Variants in FRS2 observed in about 807,000 individuals in gnomAD.
The protein encoded by FRS2 is FGFR signalling adaptor.
Under a neutral mutation model 43.9 loss-of-function variants are expected in FRS2, and 8 were observed. The observed-to-expected ratio is 0.18, with a 90% CI of 0.11 to 0.33. The LOEUF (loss-of-function observed/expected upper bound fraction) is 0.33, where lower values mean the gene tolerates loss of function less well. Ranked by LOEUF, FRS2 falls within the 10% of genes least tolerant of loss-of-function variation. The pLI, the probability that FRS2 is intolerant of heterozygous loss-of-function variation, is 1.00. For missense variants in FRS2, 534 were observed against 627.6 expected (o/e 0.85, Z 1.59); for synonymous variants, 219 against 220.3 (o/e 0.99, Z 0.05).
chr12:69,568,584 T>G (rs1487029235), intron 4 of FRS2, among the ~76,000 whole-genome samples: 1 of 151,998 alleles, frequency 6.6e-6, no homozygotes, highest in East Asian at 1.9e-4. Context: ...TGTCTCTCTC[T>G]CTCTGTCCCT....
intron 1 of FRS2, among the ~76,000 whole-genome samples, chr12:69,475,619 A>G (rs1458261917): frequency 2.6e-5 from 4 of 152,298 alleles, no homozygotes; most frequent in Non-Finnish European, 5.9e-5. Flanking sequence ...CTGACTCTAG[A>G]ATTAGATAGA....
At chr12:69,524,420 CCTGGTGTGTGTCT>C (rs1278275040) in intron 1 of FRS2, among the ~76,000 whole-genome samples, 3 of 151,958 alleles carry the variant, frequency 2.0e-5, no homozygotes, top group Non-Finnish European at 4.4e-5. Context: ...GCACAGGCAG[CCTGGTGTGTGTCT>C]GTGGGGCAGC....
At chr12:69,533,899 G>T (rs1877039488) in intron 3 of FRS2, among the ~76,000 whole-genome samples, 1 of 152,176 alleles carries the variant, frequency 6.6e-6, no homozygotes, top group Non-Finnish European at 1.5e-5. Flanking sequence ...TAGAGGCAGA[G>T]ATTTAGATTG....
chr12:69,477,965 T>C (rs1380486832), intron 1 of FRS2, among the ~76,000 whole-genome samples: 2 of 151,462 alleles, frequency 1.3e-5, no homozygotes, highest in Non-Finnish European at 2.9e-5. Context: ...ATGGTCTCAA[T>C]CTCCTGACCT....
At chr12:69,502,865 C>G (rs1244995824) in intron 1 of FRS2, among the ~76,000 whole-genome samples, 1 of 152,174 alleles carries the variant, frequency 6.6e-6, no homozygotes, top group African/African-American at 2.4e-5. Flanking sequence ...TCTACCTACT[C>G]TAGCAGCAGC....
chr12:69,562,532 A>G (rs1879957410), intron 4 of FRS2, among the ~76,000 whole-genome samples: 1 of 152,088 alleles, frequency 6.6e-6, no homozygotes. Flanking sequence ...CTGATTGCTG[A>G]CACCACCCCC....
intron 1 of FRS2, among the ~76,000 whole-genome samples, chr12:69,487,747 A>G (rs550661777): frequency 1.3e-5 from 2 of 152,348 alleles, no homozygotes; most frequent in East Asian, 3.9e-4. Context: ...AGTAAACTGA[A>G]AACCTTCTGG....
intron 1 of FRS2, among the ~76,000 whole-genome samples, chr12:69,522,552 G>A (rs973725013): frequency 1.3e-5 from 2 of 151,956 alleles, no homozygotes; most frequent in Middle Eastern, 3.2e-3. Flanking sequence ...CAACTCCTGG[G>A]TGTATTGATC....
intron 1 of FRS2, among the ~76,000 whole-genome samples, chr12:69,486,965 G>A (rs1336037590): frequency 1.3e-5 from 2 of 152,238 alleles, no homozygotes; most frequent in Non-Finnish European, 2.9e-5. Context: ...ACATAAAAGT[G>A]CAAGGTGAAG....
At chr12:69,536,343 C>G (rs1374156780) in intron 3 of FRS2, among the ~76,000 whole-genome samples, 1 of 151,438 alleles carries the variant, frequency 6.6e-6, no homozygotes, top group Non-Finnish European at 1.5e-5. Context: ...AGGCCAGTCT[C>G]GAATTCCTGA....
chr12:69,533,001 A>G (rs1176145552), intron 3 of FRS2, among the ~76,000 whole-genome samples: 1 of 152,256 alleles, frequency 6.6e-6, no homozygotes, highest in East Asian at 1.9e-4. Flanking sequence ...CACTGCATAA[A>G]TAGAATAGAT....
chr12:69,558,068 A>G (rs1879580287), intron 3 of FRS2, among the ~76,000 whole-genome samples: 1 of 152,198 alleles, frequency 6.6e-6, no homozygotes. Flanking sequence ...AAAAAACAAA[A>G]TACATGATTA....
chr12:69,534,106 A>T (rs1297751794), intron 3 of FRS2, among the ~76,000 whole-genome samples: 2 of 152,208 alleles, frequency 1.3e-5, no homozygotes, highest in Non-Finnish European at 2.9e-5. Context: ...GAAGTTTAGC[A>T]GTCTTTTTGT....
chr12:69,489,926 A>G (rs1373597757), intron 1 of FRS2, among the ~76,000 whole-genome samples: 1 of 151,526 alleles, frequency 6.6e-6, no homozygotes, highest in Non-Finnish European at 1.5e-5. Flanking sequence ...GCTGAGGTAT[A>G]TTGTAGACCT....
chr12:69,483,308 C>T (rs1871507497), intron 1 of FRS2, among the ~76,000 whole-genome samples: 1 of 152,106 alleles, frequency 6.6e-6, no homozygotes, highest in Non-Finnish European at 1.5e-5. Context: ...CAGAATTGTT[C>T]CATCACCATG....
At chr12:69,497,491 T>A (rs1873015823) in intron 1 of FRS2, among the ~76,000 whole-genome samples, 1 of 152,184 alleles carries the variant, frequency 6.6e-6, no homozygotes, top group South Asian at 2.1e-4. Flanking sequence ...CTTCAACCTC[T>A]TTTATAAGGG....
intron 1 of FRS2, among the ~76,000 whole-genome samples, chr12:69,472,831 A>C (rs1006452201): frequency 6.6e-6 from 1 of 152,048 alleles, no homozygotes; most frequent in Non-Finnish European, 1.5e-5. Context: ...CATACTAACA[A>C]TTTTTTTTGT....
Position 69,574,781 on chromosome 12 carries a change from G to GACTCCAAAAACGCCTACA in FRS2, c.1359_1376dup (p.Lys454_Pro459dup). The stretch of plus-strand genomic sequence containing the variant: ...GTGGCAGTGACTCTGACAACCCTCA[G>GACTCCAAAAACGCCTACA]ACTCCAAAAACGCCTACAACTCCCC... On this transcript the variant is annotated inframe_insertion, in exon 9 of 9. Coordinates refer to ENST00000549921, the MANE Select transcript of FRS2 (RefSeq NM_001278356.2). The GACTCCAAAAACGCCTACA allele has an allele frequency of 6.2e-7, 1 of 1,614,128 alleles. No homozygotes were observed. The highest frequency in any genetic ancestry group is 1.1e-5 in the South Asian group (1 of 91,088).
chr12:69,503,435 T>C (rs1873640490), intron 1 of FRS2, among the ~76,000 whole-genome samples: 1 of 152,152 alleles, frequency 6.6e-6, no homozygotes, highest in South Asian at 2.1e-4. Context: ...TTCATAGTCC[T>C]AGAGATTTTA....
Sources: gnomAD v4.1 joint callset for allele counts (sites outside exome capture counted in the v4.1 genomes callset) on GRCh38, gnomAD v4.1.1 for gene constraint, MANE v1.5 for transcripts, NCBI Gene and HGNC (gene_info 2026-07-23, HGNC 2026-07-21) for gene names.